Variants in SORL1 observed in about 807,000 individuals in gnomAD.
SORL1 encodes the protein sortilin related receptor 1.
A neutral mutation model predicts 273.7 loss-of-function variants in SORL1; 127 were observed. That is an observed-to-expected ratio of 0.46 (90% CI 0.40 to 0.54). SORL1 has a LOEUF of 0.54. Among genes scored for constraint, SORL1 ranks in the 20% least tolerant of loss-of-function variants. The pLI, the probability that SORL1 is intolerant of heterozygous loss-of-function variation, is 0.00. For missense variants in SORL1, 2,494 were observed against 2,846.1 expected, an observed-to-expected ratio of 0.88 and a Z score of 2.81; for synonymous variants, 1,031 against 1,067.4, an observed-to-expected ratio of 0.97 and a Z score of 0.66.
rs148735593 is a variant in SORL1 at position 121,609,870 on chromosome 11, A to G, written c.5240-1206A>G. ...TCCTTATGAATCCTATGAGATAAGT[A>G]TCCTTATCCTCATTGTGTAGCTGAG... is the stretch of plus-strand genomic sequence containing the variant. On this transcript the variant is annotated intron_variant, in intron 38 of 47. Coordinates refer to ENST00000260197, the MANE Select transcript of SORL1 (RefSeq NM_003105.6). The G allele has an allele frequency of 4.5e-4, 68 of 152,328 alleles. 1 individual carries two copies. The East Asian group carries it at 0.011, about 24-fold the overall frequency. The allele number at this position is 152,328 out of a possible 1,614,324, so 9.4% of individuals were successfully genotyped here.
At chr11:121,516,835 C>T (rs530683608) in intron 8 of SORL1, among the ~76,000 whole-genome samples, 4 of 152,110 alleles carry the variant, frequency 2.6e-5, no homozygotes, top group South Asian at 2.1e-4. Context: ...GGGTAGATCA[C>T]GAGGTTAGGA....
In SORL1 at chr11:121,554,912, C is replaced by T. The variant is rs1862554932; in HGVS notation, c.2440-275C>T. The T allele has an allele frequency of 5.1e-6, 1 of 197,738 alleles. No individual in the cohort carries two copies. The highest frequency in any genetic ancestry group is 1.2e-4 in the East Asian group (1 of 8,142). The allele number at this position is 197,738 out of a possible 1,614,324, so 12.2% of individuals were successfully genotyped here. ...AATCTCTGACTTTATTATTGCCATACAGCATAATTTAGTAACCAGTGTTCA... is the reference window on the plus strand; with the variant it reads ...AATCTCTGACTTTATTATTGCCATATAGCATAATTTAGTAACCAGTGTTCA... On this transcript the variant is annotated intron_variant, in intron 17 of 47. Coordinates refer to ENST00000260197, the MANE Select transcript of SORL1 (RefSeq NM_003105.6). This position sits in a 1 kb window ranked among gnomAD's most constrained non-coding sequence, Gnocchi z 4.6.
intron 6 of SORL1, among the ~76,000 whole-genome samples, chr11:121,509,727 G>A (rs184765729): frequency 1.3e-5 from 2 of 151,994 alleles, no homozygotes; most frequent in Middle Eastern, 3.4e-3. Context: ...TGCCCACCTC[G>A]GCCTCCCAAA....
At chr11:121,532,587 C>T (rs1228593931) in intron 12 of SORL1, 35 bp downstream of exon 12, 1 of 1,551,960 alleles carries the variant, frequency 6.4e-7, no homozygotes, top group South Asian at 1.1e-5. Flanking sequence ...TAACATCAAA[C>T]TTTCTCCCAG....
chr11:121,482,502 A>G (rs1861407679), intron 3 of SORL1, among the ~76,000 whole-genome samples: 1 of 152,210 alleles, frequency 6.6e-6, no homozygotes, highest in African/African-American at 2.4e-5. Context: ...ATAGTTTCTA[A>G]TTCCCCAGAG....
At position 121,522,656 on chromosome 11, in the gene SORL1, T is replaced by C. The variant is rs1370877262; in HGVS notation, c.1475T>C (p.Met492Thr). ...CTCCTCAACCTCCAGCTCCGGAGAA[T>C]GCCCATCCTGTCCAAGGAGTCGGCT... ...SQLLNLQLRRMPILSKESAPG... is the reference protein window; with the variant it reads ...SQLLNLQLRRTPILSKESAPG... Residue 492 changes from methionine to threonine, a missense_variant, in exon 10 of 48, where the codon ATG becomes ACG. By Grantham distance (81) the Met-to-Thr change is moderately conservative. Around this residue, in one of 3 missense-constraint regions of SORL1, gnomAD observed 710 missense variants for 882.5 expected, o/e 0.80. Transcript: ENST00000260197. 3.7e-6 allele frequency: 6 copies of C among 1,614,120 alleles called. No homozygotes were observed. In the African/African-American group the frequency reaches 4.0e-5, roughly 11 times the overall value.
At chr11:121,556,033 T>G (rs1001333598) in intron 18 of SORL1, among the ~76,000 whole-genome samples, 6 of 152,170 alleles carry the variant, frequency 3.9e-5, no homozygotes, top group Admixed American at 2.6e-4. Flanking sequence ...ACTCGAGAGA[T>G]AGACCCAGAT....
intron 25 of SORL1, among the ~76,000 whole-genome samples, chr11:121,580,486 TC>T (rs1862997203): frequency 6.6e-6 from 1 of 152,150 alleles, no homozygotes. Flanking sequence ...TCTGTTTGGT[TC>T]TTTTTCAAAT....
intron 23 of SORL1, among the ~76,000 whole-genome samples, chr11:121,572,986 T>C (rs1220217754): frequency 6.6e-6 from 1 of 152,160 alleles, no homozygotes; most frequent in Non-Finnish European, 1.5e-5. Context: ...TCTGCCACAT[T>C]TTACCTCCTG....
chr11:121,583,214 G>A (rs554049325), intron 25 of SORL1, among the ~76,000 whole-genome samples: 4 of 152,220 alleles, frequency 2.6e-5, no homozygotes, highest in Admixed American at 6.5e-5. Context: ...ATTTTTTAAC[G>A]TGTGCATCTG....
At chr11:121,586,404 C>A in intron 27 of SORL1, 75 bp downstream of exon 27, 1 of 1,090,516 alleles carries the variant, frequency 9.2e-7, no homozygotes, top group Non-Finnish European at 1.4e-6. Flanking sequence ...TGGACTAAAT[C>A]CTTTCATTTC....
chr11:121,606,063 T>C (rs1863468293), intron 35 of SORL1, among the ~76,000 whole-genome samples: 1 of 152,166 alleles, frequency 6.6e-6, no homozygotes, highest in African/African-American at 2.4e-5. Context: ...GCTGAGACTA[T>C]AGGTGTGTGC....
chr11:121,544,367 A>T (rs1862392490), intron 13 of SORL1, among the ~76,000 whole-genome samples: 1 of 152,140 alleles, frequency 6.6e-6, no homozygotes, highest in Non-Finnish European at 1.5e-5. Flanking sequence ...TATCCCAACC[A>T]GAAGACGTCT....
At chr11:121,469,414 T>A (rs1460813273) in intron 1 of SORL1, among the ~76,000 whole-genome samples, 2 of 152,266 alleles carry the variant, frequency 1.3e-5, no homozygotes, top group East Asian at 1.9e-4. Context: ...TCCTCATTTT[T>A]ATTTTATCGG....
chr11:121,555,814 G>C (rs1862572612), intron 18 of SORL1, among the ~76,000 whole-genome samples: 1 of 152,076 alleles, frequency 6.6e-6, no homozygotes, highest in Non-Finnish European at 1.5e-5. Flanking sequence ...CTAGTAACCT[G>C]TCCCACCTTA....
intron 32 of SORL1, among the ~76,000 whole-genome samples, chr11:121,601,193 A>G (rs1863385598): frequency 6.9e-6 from 1 of 144,430 alleles, no homozygotes; most frequent in South Asian, 2.3e-4. Context: ...GATGATTTCC[A>G]ATTTCATCCA....
chr11:121,500,667 A>AG (rs1565316517), intron 6 of SORL1, among the ~76,000 whole-genome samples: 1 of 152,152 alleles, frequency 6.6e-6, no homozygotes, highest in Non-Finnish European at 1.5e-5. Flanking sequence ...GACTATGCTG[A>AG]TAGTTGTCTG....
At position 121,550,203 on chromosome 11, in the gene SORL1, C is replaced by T; in HGVS notation, c.2180+115C>T. 9.1e-7 allele frequency: 1 copy of T among 1,100,146 alleles called. No individual in the cohort carries two copies. Among genetic ancestry groups the T allele is most frequent in the Non-Finnish European group, 1.3e-6 (1 of 787,248 alleles). The allele number at this position is 1,100,146 out of a possible 1,614,324, so 68.1% of individuals were successfully genotyped here. A position where few individuals can be genotyped will look rare whatever the true frequency, so the allele number is the denominator to read the frequency against. On this transcript the variant is annotated intron_variant, in intron 15 of 47. Coordinates refer to ENST00000260197, the MANE Select transcript of SORL1 (RefSeq NM_003105.6). The surrounding 1 kb of genome is among the most constrained non-coding windows in gnomAD (Gnocchi z 5.3). ...TCGAAATTCTAGAATTCCAAGTTAA[C>T]AGCCTGCAAGTAGTTTGGGCAACAT...
chr11:121,556,040 A>G (rs1340151040), intron 18 of SORL1, among the ~76,000 whole-genome samples: 3 of 152,234 alleles, frequency 2.0e-5, no homozygotes, highest in African/African-American at 7.2e-5. Flanking sequence ...AGATAGACCC[A>G]GATGTAGGCT....
Sources: allele counts gnomAD v4.1 joint callset (sites outside exome capture counted in the v4.1 genomes callset), GRCh38; gene constraint gnomAD v4.1.1; regional missense constraint gnomAD v4.1.1; non-coding constraint Gnocchi (gnomAD v3.1); transcripts MANE v1.5; gene names NCBI Gene and HGNC (gene_info 2026-07-23, HGNC 2026-07-21).